STK32B: variants seen among roughly 807,000 people sequenced by gnomAD.
STK32B encodes serine/threonine-protein kinase 32B.
STK32B carries 43 observed loss-of-function variants against 52.6 expected under a neutral mutation model. The observed-to-expected ratio is 0.82, with a 90% CI of 0.64 to 1.05. The LOEUF is 1.05. STK32B is among the 50% of genes least tolerant of loss of function. The pLI, the probability that STK32B is intolerant of heterozygous loss-of-function variation, is 0.00. For missense variants in STK32B, 621 were observed against 534.6 expected (o/e 1.16, Z -1.59); for synonymous variants, 238 against 204.3 (o/e 1.17, Z -1.41).
chr4:5,271,317 C>T (rs1193422807), intron 3 of STK32B, among the ~76,000 whole-genome samples: 1 of 152,034 alleles, frequency 6.6e-6, no homozygotes, highest in African/African-American at 2.4e-5. Flanking sequence ...AAAAATTAAC[C>T]TGTACACTGA....
rs778044900 is a variant in STK32B, at chr4:5,453,904, T to TA, written c.667-2894dup. 2.2e-4 allele frequency among the ~76,000 whole-genome samples: 33 copies of TA among 148,042 alleles called. No homozygotes were observed. Among genetic ancestry groups the TA allele is most frequent in the Non-Finnish European group, 3.3e-4 (22 of 67,024 alleles). On this transcript the variant is annotated intron_variant, in intron 7 of 11. Transcript: ENST00000282908. The surrounding 1 kb of genome is among the most constrained non-coding windows in gnomAD (Gnocchi z 4.0). ...TAGGCGACAAGAGTGAAACTCCATC[T>TA]AAAAAAAAAGAAGTCCAAAACTGAA...
At chr4:5,040,393 T>A in the STK32B span, among the ~76,000 whole-genome samples, 2 of 42,586 alleles carry the variant, frequency 4.7e-5, no homozygotes, top group Admixed American at 4.0e-4. Context: ...GTAGAATTTT[T>A]TTTTTTTTTT....
chr4:5,487,872 T>C (rs1719367407), intron 11 of STK32B, among the ~76,000 whole-genome samples: 1 of 152,194 alleles, frequency 6.6e-6, no homozygotes, highest in Non-Finnish European at 1.5e-5. Flanking sequence ...GTGAACCTTC[T>C]TTGTGGCCCA....
chr4:5,298,656 C>T (rs1729364281), intron 3 of STK32B, among the ~76,000 whole-genome samples: 1 of 152,120 alleles, frequency 6.6e-6, no homozygotes, highest in Non-Finnish European at 1.5e-5. Flanking sequence ...TTGAGCATCA[C>T]AGGTATTGAC....
rs1382787633 is a variant in STK32B, at chr4:5,395,148, G to A, written c.435-3059G>A. On this transcript the variant is annotated intron_variant, in intron 4 of 11. Coordinates refer to ENST00000282908, the MANE Select transcript of STK32B (RefSeq NM_018401.3). This position sits in a 1 kb window ranked among gnomAD's most constrained non-coding sequence, Gnocchi z 4.4. ...CCCAGGGACAGCTACATTCCCCACCGTGTGGCTGGCTCCACACAGCAGCTC... is the reference window on the plus strand; with the variant it reads ...CCCAGGGACAGCTACATTCCCCACCATGTGGCTGGCTCCACACAGCAGCTC... Among the ~76,000 whole-genome samples the A allele has an allele frequency of 2.6e-5, 4 of 152,116 alleles. No homozygotes were observed. The highest frequency in any genetic ancestry group is 6.5e-5 in the Admixed American group (1 of 15,272).
intron 3 of STK32B, among the ~76,000 whole-genome samples, chr4:5,251,354 T>C (rs1560261338): frequency 1.3e-5 from 2 of 152,226 alleles, no homozygotes; most frequent in African/African-American, 2.4e-5. Context: ...CTTTCCTTAC[T>C]GCTTGTTTTT....
upstream of STK32B, among the ~76,000 whole-genome samples, chr4:5,050,541 C>T (rs1485984131): frequency 1.3e-5 from 2 of 152,092 alleles, no homozygotes; most frequent in African/African-American, 4.8e-5. Flanking sequence ...GACTGGGGGA[C>T]GAGATAGGAT....
Position 5,395,625 on chromosome 4 carries a change from G to A in STK32B, c.435-2582G>A, listed in dbSNP as rs1035923287. Among the ~76,000 whole-genome samples the A allele has an allele frequency of 1.3e-5, 2 of 152,162 alleles. No individual in the cohort carries two copies. Among genetic ancestry groups the A allele is most frequent in the Non-Finnish European group, 2.9e-5 (2 of 68,030 alleles). On this transcript the variant is annotated intron_variant, in intron 4 of 11. Transcript: ENST00000282908. This position sits in a 1 kb window ranked among gnomAD's most constrained non-coding sequence, Gnocchi z 4.4. ...AGCTCCATTCAGTTGGGTCTGTCTT[G>A]TTCACGACGTGTCCTTCATGACCGC...
chr4:5,460,490 G>C lies in STK32B; in HGVS notation c.909+262G>C, dbSNP rs1459137683. ...ACTGAATCCCACCTCCAGGTGCTCA[G>C]GTCCAGGTGTGGGGATAGCAGGCTG... On this transcript the variant is annotated intron_variant, in intron 9 of 11. Transcript: ENST00000282908. This position sits in a 1 kb window ranked among gnomAD's most constrained non-coding sequence, Gnocchi z 4.8. 1.3e-5 allele frequency among the ~76,000 whole-genome samples: 2 copies of C among 152,196 alleles called. No homozygotes were observed. Among genetic ancestry groups the C allele is most frequent in the African/African-American group, 2.4e-5 (1 of 41,440 alleles).
intron 1 of STK32B, among the ~76,000 whole-genome samples, chr4:5,096,773 G>A (rs1364312634): frequency 2.0e-5 from 3 of 152,196 alleles, no homozygotes; most frequent in East Asian, 3.8e-4. Flanking sequence ...CCCAAAGAAA[G>A]AGCCTGGCTG....
chr4:5,189,552 G>A (rs1459672531), intron 3 of STK32B, among the ~76,000 whole-genome samples: 2 of 152,114 alleles, frequency 1.3e-5, no homozygotes, highest in Non-Finnish European at 2.9e-5. Context: ...TTACCTGGTA[G>A]CCTACCGAAA....
chr4:5,324,753 A>G (rs1731760959), intron 3 of STK32B, among the ~76,000 whole-genome samples: 2 of 152,210 alleles, frequency 1.3e-5, no homozygotes, highest in Non-Finnish European at 2.9e-5. Context: ...GTGATGGACA[A>G]GAGGACAGAG....
chr4:5,297,913 G>C (rs1729310976), intron 3 of STK32B, among the ~76,000 whole-genome samples: 1 of 152,162 alleles, frequency 6.6e-6, no homozygotes, highest in Admixed American at 6.5e-5. Flanking sequence ...CCTCATCTTT[G>C]TGGATTTATC....
At chr4:5,113,145 G>A (rs937322784) in intron 1 of STK32B, among the ~76,000 whole-genome samples, 5 of 152,114 alleles carry the variant, frequency 3.3e-5, no homozygotes, top group African/African-American at 4.8e-5. Flanking sequence ...GGGGGCCTTT[G>A]AGAGGTGATC....
chr4:5,286,084 C>A (rs535358684), intron 3 of STK32B, among the ~76,000 whole-genome samples: 202 of 152,114 alleles, frequency 1.3e-3, no homozygotes, highest in African/African-American at 4.5e-3. Flanking sequence ...TCAAACCAAC[C>A]CTGCCAATGC....
chr4:5,331,526 C>T, intron 4 of STK32B, 133 bp downstream of exon 4: 11 of 918,008 alleles, frequency 1.2e-5, no homozygotes, highest in Non-Finnish European at 1.7e-5. Flanking sequence ...GGGAAAAAAG[C>T]AGAACACTTT....
intron 1 of STK32B, among the ~76,000 whole-genome samples, chr4:5,127,972 C>T (rs527277588): frequency 1.3e-5 from 2 of 152,316 alleles, no homozygotes; most frequent in African/African-American, 4.8e-5. Flanking sequence ...CTTTGCTCCT[C>T]AGTCACCTTC....
intron 7 of STK32B, among the ~76,000 whole-genome samples, chr4:5,452,041 A>T (rs1345073906): frequency 6.6e-6 from 1 of 152,178 alleles, no homozygotes; most frequent in Non-Finnish European, 1.5e-5. Context: ...AGGCTGGATC[A>T]TACCTGTTTG....
chr4:5,086,846 A>G (rs577149549), intron 1 of STK32B, among the ~76,000 whole-genome samples: 3 of 152,356 alleles, frequency 2.0e-5, no homozygotes, highest in East Asian at 1.9e-4. Context: ...CTGAAAAACT[A>G]TCTTTAAAAA....
Sources: allele counts gnomAD v4.1 joint callset (sites outside exome capture counted in the v4.1 genomes callset), GRCh38; gene constraint gnomAD v4.1.1; non-coding constraint Gnocchi (gnomAD v3.1); transcripts MANE v1.5; gene names NCBI Gene and HGNC (gene_info 2026-07-23, HGNC 2026-07-21).